The following AP1G2 variants were observed in gnomAD, a reference collection of about 807,000 sequenced individuals.
AP1G2 encodes adaptor related protein complex 1 subunit gamma 2, also known as AP-1 complex subunit gamma-like 2.
Under a neutral mutation model 95.8 loss-of-function variants are expected in AP1G2, and 85 were observed. The observed-to-expected ratio is 0.89, with a 90% CI of 0.74 to 1.06. The LOEUF (loss-of-function observed/expected upper bound fraction) is 1.06. AP1G2 is among the 50% of genes least tolerant of loss of function. The pLI is 0.00. For synonymous variants in AP1G2, 378 were observed against 400.0 expected, an observed-to-expected ratio of 0.94 and a Z score of 0.66; for missense variants, 967 against 1,005.8, an observed-to-expected ratio of 0.96 and a Z score of 0.52.
chr14:23,560,116 C>G, intron 20 of AP1G2, 80 bp from the exon 21 acceptor site: 1 of 1,418,500 alleles, frequency 7.0e-7, no homozygotes, highest in Middle Eastern at 2.4e-4. Flanking sequence ...TGGCTCCACA[C>G]CCTTTTCCTG....
intron 14 of AP1G2, chr14:23,562,987 G>A: frequency 1.1e-6 from 1 of 900,108 alleles, no homozygotes; most frequent in Non-Finnish European, 1.5e-6. Context: ...CTTGTGGAAG[G>A]GGTGGATGAT....
chr14:23,564,575 G>A lies in AP1G2; in HGVS notation c.908C>T (p.Ala303Val), dbSNP rs967007069. Reference protein sequence around the residue: ...TVLTIMDIRSAAGLRVLAVNI... With the variant: ...TVLTIMDIRSVAGLRVLAVNI... ...AAGGGGTGATACCCGTAGGCCAGCT[G>A]CAGAGCGGATATCCATGATGGTGAG... The change falls in exon 9 of 22, where the codon GCA becomes GTA. Residue 303 changes from alanine (A) to valine (V), a missense_variant. Ala to Val is a moderately conservative substitution (Grantham distance 64). Coordinates refer to ENST00000397120, the MANE Select transcript of AP1G2 (RefSeq NM_003917.5). 2 of 1,613,246 alleles carry A rather than the reference G, an allele frequency of 1.2e-6. No homozygotes were observed. The highest frequency in any genetic ancestry group is 2.7e-5 in the African/African-American group (2 of 74,908).
At chr14:23,564,239 A>G (rs1886613910) in intron 10 of AP1G2, 80 bp from the exon 11 acceptor site, 2 of 1,612,848 alleles carry the variant, frequency 1.2e-6, no homozygotes, top group African/African-American at 1.3e-5. Context: ...TAGGGATAAG[A>G]TAAGAGAGAA....
intron 7 of AP1G2, 169 bp from the exon 8 acceptor site, chr14:23,565,368 G>C: frequency 2.6e-6 from 2 of 758,430 alleles, no homozygotes; most frequent in Non-Finnish European, 4.3e-6. Flanking sequence ...AGGTGTGTGA[G>C]GCCAGGGGAG....
Position 23,562,705 on chromosome 14 carries a change from C to A in AP1G2, c.1411-112G>T. The A allele has an allele frequency of 4.9e-6, 5 of 1,019,746 alleles. No homozygotes were observed. The South Asian group carries it at 8.0e-5, about 16-fold the overall frequency. 63.2% of individuals were successfully genotyped at this position (1,019,746 alleles called of 1,614,324 possible). A position where few individuals can be genotyped will look rare whatever the true frequency, so the allele number is the denominator to read the frequency against. On this transcript the variant is annotated intron_variant, in intron 14 of 21. Coordinates refer to ENST00000397120, the MANE Select transcript of AP1G2 (RefSeq NM_003917.5). ...ATTGCTTGAGACCAGGAGTTCAAGA[C>A]CAGCCTGGGCAACAAAGCGAGACCC...
Position 23,566,147 on chromosome 14 carries a change from G to A in AP1G2, c.485C>T (p.Ala162Val), listed in dbSNP as rs1323386165. 2 of 1,604,702 alleles carry A rather than the reference G, an allele frequency of 1.2e-6. No individual in the cohort carries two copies. The highest frequency in any genetic ancestry group is 1.7e-6 in the Non-Finnish European group (2 of 1,174,302). Residue 162 changes from alanine (A) to valine (V), a missense_variant, in exon 5 of 22, where the codon GCA becomes GTA. Coordinates refer to ENST00000397120, the MANE Select transcript of AP1G2 (RefSeq NM_003917.5). ...PYVRKKAILT[A>V]VHMIRKVPEL... ...AGGGACCTTCCGGATCATGTGCACT[G>A]CAGTCAGAATAGCCTGCAGAGGTCA... is the stretch of plus-strand genomic sequence containing the variant.
intron 19 of AP1G2, 131 bp downstream of exon 19, chr14:23,561,165 C>T: frequency 1.4e-6 from 2 of 1,421,546 alleles, no homozygotes; most frequent in South Asian, 1.8e-5. Flanking sequence ...CTTTTACCTC[C>T]TGAGATGGCG....
chr14:23,561,432 C>CTGGCAGAAG lies in AP1G2; in HGVS notation c.1858-10_1858-2dup. ...CTAGCAGATCCAGGAGCTGTGAGGC[C>CTGGCAGAAG]TGGCAGAAGGGACAGAAGGGGCAGG... On this transcript the variant is annotated splice_acceptor_variant, in intron 18 of 21. Transcript: ENST00000397120. LOFTEE classifies it high-confidence loss of function. 1 of 1,611,338 alleles carries CTGGCAGAAG rather than the reference C, an allele frequency of 6.2e-7. No individual in the cohort carries two copies. Among genetic ancestry groups the CTGGCAGAAG allele is most frequent in the South Asian group, 1.1e-5 (1 of 91,006 alleles).
rs772060051 is a variant in AP1G2 at position 23,561,603 on chromosome 14, T to C, written c.1766A>G (p.Glu589Gly). 6.2e-7 allele frequency: 1 copy of C among 1,614,096 alleles called. No individual in the cohort carries two copies. The highest frequency in any genetic ancestry group is 1.1e-5 in the South Asian group (1 of 91,078). The part of the protein sequence containing the change: ...AAILEKMPLV[E>G]RDGPQADEEA... The stretch of plus-strand genomic sequence containing the variant: ...CTCATCAGCCTGAGGGCCATCTCGC[T>C]CCACAAGAGGCATTTTTTCCAGGAT... Residue 589 changes from glutamate to glycine, a missense_variant, in exon 18 of 22, where the codon GAG becomes GGG. Glu to Gly is a moderately conservative substitution (Grantham distance 98). Transcript: ENST00000397120.
In AP1G2 at chr14:23,565,392, T is replaced by TA. The variant is rs3215714; in HGVS notation, c.742-194dup. The TA allele has an allele frequency of 5.3e-3, 3,461 of 657,232 alleles. 10 individuals are homozygous for TA. The highest frequency in any genetic ancestry group is 9.9e-3 in the Middle Eastern group (30 of 3,042). The allele number at this position is 657,232 out of a possible 1,614,324, so 40.7% of individuals were successfully genotyped here. A position where few individuals can be genotyped will look rare whatever the true frequency, so the allele number is the denominator to read the frequency against. On this transcript the variant is annotated intron_variant, in intron 7 of 21. Coordinates refer to ENST00000397120, the MANE Select transcript of AP1G2 (RefSeq NM_003917.5). ...AGGCCAGGGGAGTTTAGGACAGGCT[T>TA]AAAAAAAAAATTGTTAACAAACTGT...
In AP1G2 at chr14:23,565,048, C is replaced by T. The variant is rs1341677959; in HGVS notation, c.822+71G>A. On this transcript the variant is annotated intron_variant, in intron 8 of 21. Transcript: ENST00000397120. ...ACACGGCCACTGCACAGTGACGAGTCATGTGAGGGGCACCCAGGGCTGATG... is the reference window on the plus strand; with the variant it reads ...ACACGGCCACTGCACAGTGACGAGTTATGTGAGGGGCACCCAGGGCTGATG... 20 of 1,449,572 alleles carry T rather than the reference C, an allele frequency of 1.4e-5. No individual in the cohort carries two copies. The Middle Eastern group carries it at 5.3e-4, about 38-fold the overall frequency. The allele number at this position is 1,449,572 out of a possible 1,614,324, so 89.8% of individuals were successfully genotyped here.
chr14:23,565,498 G>T, intron 7 of AP1G2, 108 bp downstream of exon 7: 3 of 1,011,766 alleles, frequency 3.0e-6, no homozygotes, highest in Non-Finnish European at 4.5e-6. Context: ...CTACTCTGCT[G>T]CCCAGGACAC....
chr14:23,563,952 C>G, intron 11 of AP1G2, 94 bp downstream of exon 11: 1 of 1,601,900 alleles, frequency 6.2e-7, no homozygotes. Context: ...CCCCTTAGTC[C>G]CCTTACTCCA....
In AP1G2 at chr14:23,564,682, T is replaced by C. The variant is rs370165806; in HGVS notation, c.823-22A>G. The C allele has an allele frequency of 6.7e-5, 108 of 1,608,666 alleles. 1 individual carries two copies. Among genetic ancestry groups the C allele is most frequent in the Non-Finnish European group, 8.5e-5 (100 of 1,175,858 alleles). ...CCACCTGAGTGGATGAGAGAGGAGATGTATCTGCTCAAGGCCCTCCTCAGG... is the reference window on the plus strand; with the variant it reads ...CCACCTGAGTGGATGAGAGAGGAGACGTATCTGCTCAAGGCCCTCCTCAGG... On this transcript the variant is annotated intron_variant, in intron 8 of 21. Transcript: ENST00000397120.
intron 14 of AP1G2, 153 bp downstream of exon 14, chr14:23,563,227 C>G: frequency 5.5e-6 from 8 of 1,449,482 alleles, no homozygotes; most frequent in Non-Finnish European, 7.3e-6. Context: ...CCCAGATGTT[C>G]TTAAAAACAG....
Position 23,567,352 on chromosome 14 carries a change from T to C in AP1G2, c.-5-33A>G, listed in dbSNP as rs369344684. 15 of 1,590,698 alleles carry C rather than the reference T, an allele frequency of 9.4e-6. No individual in the cohort carries two copies. Among genetic ancestry groups the C allele is most frequent in the Non-Finnish European group, 1.2e-5 (14 of 1,173,248 alleles). On this transcript the variant is annotated intron_variant, in intron 1 of 21. Transcript: ENST00000397120. The surrounding 1 kb of genome is among the most constrained non-coding windows in gnomAD (Gnocchi z 5.3). The stretch of plus-strand genomic sequence containing the variant: ...AGTCCGGGAGTGGAGAAACACTCTC[T>C]GGTCGGGCGTGCCTGGGCTTTCGGC...
Position 23,562,376 on chromosome 14 carries a change from G to A in AP1G2, c.1540C>T (p.Leu514=), listed in dbSNP as rs774636799. The A allele has an allele frequency of 1.9e-6, 3 of 1,614,190 alleles. No homozygotes were observed. Among genetic ancestry groups the A allele is most frequent in the South Asian group, 2.2e-5 (2 of 91,088 alleles). Residue 514 remains leucine (L), a synonymous_variant, in exon 16 of 22, where the codon CTG becomes TTG. Transcript: ENST00000397120. Reference sequence around the variant, plus strand: ...GCTGGCAGGGACATGTGGGACTGCAGCACCTTTTCCAGCAATGCCAGCACT... The same window carrying A: ...GCTGGCAGGGACATGTGGGACTGCAACACCTTTTCCAGCAATGCCAGCACT... The part of the protein sequence containing the change: ...EEVLALLEKV[L]QSHMSLPATR...
chr14:23,565,072 T>C (rs1289579104), intron 8 of AP1G2, 47 bp downstream of exon 8: 1 of 1,589,792 alleles, frequency 6.3e-7, no homozygotes, highest in South Asian at 1.1e-5. Context: ...CCAGGGCTGA[T>C]GGGGTCTCCA....
rs754329006 is a variant in AP1G2, at chr14:23,567,208, C to T, written c.107G>A (p.Arg36Gln). The T allele has an allele frequency of 1.9e-6, 3 of 1,612,582 alleles. No individual in the cohort carries two copies. Among genetic ancestry groups the T allele is most frequent in the East Asian group, 4.5e-5 (2 of 44,834 alleles). The change falls in exon 2 of 22, where the codon CGG becomes CAG. Residue 36 changes from arginine (R) to glutamine (Q), a missense_variant. Transcript: ENST00000397120. The surrounding 1 kb of genome is among the most constrained non-coding windows in gnomAD (Gnocchi z 5.3). The part of the protein sequence containing the change: ...EVIQKECAHI[R>Q]ASFRDGDPVH... ...TGGGTCCCCGTCGCGGAAGGAGGCC[C>T]GGATGTGGGCACACTCCTTTTGGAT...
Sources: gnomAD v4.1 joint callset for allele counts on GRCh38, gnomAD v4.1.1 for gene constraint, Gnocchi (gnomAD v3.1) non-coding constraint, MANE v1.5 for transcripts, NCBI Gene and HGNC (gene_info 2026-07-23, HGNC 2026-07-21) for gene names.